Variants in PCDH15 observed in about 807,000 individuals in gnomAD.
The protein encoded by PCDH15 is protocadherin related 15.
PCDH15 carries 129 observed loss-of-function variants against 178.5 expected under a neutral mutation model. The ratio of observed to expected loss-of-function variants is 0.72; its 90% confidence interval spans 0.63 to 0.84. The LOEUF is 0.84. Ranked by LOEUF, PCDH15 falls within the 40% of genes least tolerant of loss-of-function variation. The probability of loss-of-function intolerance (pLI) is 0.00; values close to 1 mark genes in which losing one functional copy is unlikely to be tolerated. For missense variants in PCDH15, 2,230 were observed against 2,099.9 expected, an observed-to-expected ratio of 1.06 and a Z score of -1.21; for synonymous variants, 800 against 732.0, an observed-to-expected ratio of 1.09 and a Z score of -1.50.
At chr10:55,319,162 T>C (rs1175592982) in intron 1 of PCDH15, among the ~76,000 whole-genome samples, 2 of 151,936 alleles carry the variant, frequency 1.3e-5, no homozygotes, top group Admixed American at 6.6e-5. Flanking sequence ...AAAGGAGCAG[T>C]TCAAAGTAAA....
chr10:54,791,818 T>C (rs1951444795), intron 1 of PCDH15, among the ~76,000 whole-genome samples: 1 of 151,930 alleles, frequency 6.6e-6, no homozygotes, highest in South Asian at 2.1e-4. Context: ...TCTTTGTGCC[T>C]AAATTATTGC....
rs147451708 is a variant in PCDH15 at position 54,330,236 on chromosome 10, G to C, written c.595-530C>G. Among the ~76,000 whole-genome samples, 525 of 151,878 alleles carry C rather than the reference G, an allele frequency of 3.5e-3. 1 individual carries two copies. Among genetic ancestry groups the C allele is most frequent in the Admixed American group, 5.8e-3 (88 of 15,204 alleles). On this transcript the variant is annotated intron_variant, in intron 6 of 37. Transcript: ENST00000644397. ...CATTCCGAGAAATGTGTTGTTAGGTGATTTTTGTCATTGTGTGACTATTAT... is the reference window on the plus strand; with the variant it reads ...CATTCCGAGAAATGTGTTGTTAGGTCATTTTTGTCATTGTGTGACTATTAT...
intron 3 of PCDH15, among the ~76,000 whole-genome samples, chr10:54,813,641 C>G (rs1952901663): frequency 6.6e-6 from 1 of 152,136 alleles, no homozygotes; most frequent in African/African-American, 2.4e-5. Context: ...CTTATTTATT[C>G]TCCAACCTCT....
intron 2 of PCDH15, among the ~76,000 whole-genome samples, chr10:54,962,644 A>G (rs537521195): frequency 4.6e-5 from 7 of 152,198 alleles, no homozygotes; most frequent in Non-Finnish European, 1.0e-4. Context: ...GGCCTCACAC[A>G]GAACTGGCAC....
intron 3 of PCDH15, among the ~76,000 whole-genome samples, chr10:54,482,521 T>G (rs1434621592): frequency 6.6e-6 from 1 of 151,746 alleles, no homozygotes; most frequent in Non-Finnish European, 1.5e-5. Flanking sequence ...CTGGTGTCCT[T>G]GTGAAAATGG....
chr10:55,389,907 T>C (rs1837752404), intron 2 of PCDH15, among the ~76,000 whole-genome samples: 1 of 152,136 alleles, frequency 6.6e-6, no homozygotes, highest in Non-Finnish European at 1.5e-5. Context: ...ATTATAAATC[T>C]TGTTTCAATA....
intron 1 of PCDH15, among the ~76,000 whole-genome samples, chr10:54,697,678 A>AGG (rs1430883655): frequency 0.14 from 13,625 of 95,632 alleles, 1,325 homozygotes; most frequent in African/African-American, 0.18. Flanking sequence ...GGGAAGGGGA[A>AGG]GGGAGGAAGG....
At chr10:54,318,814 T>C (rs990371781) in intron 7 of PCDH15, among the ~76,000 whole-genome samples, 10 of 152,200 alleles carry the variant, frequency 6.6e-5, no homozygotes, top group Admixed American at 3.9e-4. Context: ...TTATCAAAAG[T>C]ATATGATTAA....
At chr10:53,892,476 A>G (rs2081639099) in intron 26 of PCDH15, among the ~76,000 whole-genome samples, 1 of 152,154 alleles carries the variant, frequency 6.6e-6, no homozygotes, top group South Asian at 2.1e-4. Flanking sequence ...TTGCTAGGAG[A>G]ATGATATTTT....
chr10:54,605,858 A>G (rs1335790618), intron 2 of PCDH15: 1 of 152,100 alleles, frequency 6.6e-6, no homozygotes, highest in African/African-American at 2.4e-5. Context: ...TCTCATAGAC[A>G]CGTCAGTTGA....
intron 2 of PCDH15, among the ~76,000 whole-genome samples, chr10:54,654,296 G>A (rs528100223): frequency 6.6e-6 from 1 of 152,228 alleles, no homozygotes; most frequent in African/African-American, 2.4e-5. Flanking sequence ...ATAGGATACA[G>A]CCCCTTATGG....
rs1841015793 is a variant in PCDH15 at position 55,046,740 on chromosome 10, A to G, written c.-80+119836T>C. ...ACATTTTTGTTGAAATTTAATTGAA[A>G]AAGTTATAGAAGTGAAGATAATGTG... On this transcript the variant is annotated intron_variant, in intron 2 of 5. Transcript: ENST00000458638. Among the ~76,000 whole-genome samples the G allele has an allele frequency of 2.0e-5, 3 of 151,964 alleles. No homozygotes were observed. The South Asian group carries it at 6.2e-4, about 31-fold the overall frequency.
intron 2 of PCDH15, among the ~76,000 whole-genome samples, chr10:55,007,278 T>C (rs1021809737): frequency 1.2e-4 from 19 of 152,178 alleles, no homozygotes; most frequent in African/African-American, 4.1e-4. Flanking sequence ...TTGTGAAAGA[T>C]AGACAGGAAA....
intron 3 of PCDH15, among the ~76,000 whole-genome samples, chr10:54,842,560 T>C (rs907135540): frequency 6.6e-6 from 1 of 151,948 alleles, no homozygotes; most frequent in African/African-American, 2.4e-5. Context: ...ATTCTGTAGA[T>C]GTGTGAGGTA....
intron 10 of PCDH15, among the ~76,000 whole-genome samples, chr10:54,198,492 A>ATTTTTTTTTTTTTTT (rs1423646160): frequency 4.9e-5 from 2 of 40,856 alleles, no homozygotes; most frequent in Non-Finnish European, 7.6e-5. Context: ...ATATCTAATT[A>ATTTTTTTTTTTTTTT]TTCTTTTTTT....
intron 18 of PCDH15, among the ~76,000 whole-genome samples, chr10:54,027,647 A>C (rs1401374817): frequency 1.3e-5 from 2 of 148,854 alleles, no homozygotes; most frequent in Non-Finnish European, 3.0e-5. Context: ...CATATCTACA[A>C]CTATCTGATC....
At chr10:55,434,437 T>C (rs1036367627) in intron 2 of PCDH15, among the ~76,000 whole-genome samples, 2 of 152,178 alleles carry the variant, frequency 1.3e-5, no homozygotes, top group Non-Finnish European at 2.9e-5. Flanking sequence ...AGTTTCATAA[T>C]TTCCCAATTA....
chr10:55,273,947 T>C (rs1196021245), intron 1 of PCDH15, among the ~76,000 whole-genome samples: 1 of 151,984 alleles, frequency 6.6e-6, no homozygotes, highest in Non-Finnish European at 1.5e-5. Flanking sequence ...CACACATAAA[T>C]ACAAGGCCAT....
chr10:55,279,749 C>T (rs910697682), intron 1 of PCDH15, among the ~76,000 whole-genome samples: 8 of 152,040 alleles, frequency 5.3e-5, no homozygotes, highest in African/African-American at 1.7e-4. Flanking sequence ...ATTGGTTGTA[C>T]GATTGACAGA....
Sources: allele counts gnomAD v4.1 joint callset (sites outside exome capture counted in the v4.1 genomes callset), GRCh38; gene constraint gnomAD v4.1.1; transcripts MANE v1.5; gene names NCBI Gene and HGNC (gene_info 2026-07-23, HGNC 2026-07-21).